Variants in KCNMB2 observed in about 807,000 individuals in gnomAD.
The protein encoded by KCNMB2 is potassium calcium-activated channel subfamily M regulatory beta subunit 2, also known as calcium-activated potassium channel subunit beta-2.
In KCNMB2, 9 loss-of-function variants were observed where a neutral mutation model predicts 24.5. The observed-to-expected ratio is 0.37, with a 90% CI of 0.22 to 0.64. The LOEUF (loss-of-function observed/expected upper bound fraction) is 0.64, where lower values mean the gene tolerates loss of function less well. Among genes scored for constraint, KCNMB2 ranks in the 30% least tolerant of loss-of-function variants. KCNMB2 has a pLI of 0.63. For missense variants in KCNMB2, 226 were observed against 284.3 expected, an observed-to-expected ratio of 0.79 and a Z score of 1.47; for synonymous variants, 109 against 104.4, an observed-to-expected ratio of 1.04 and a Z score of -0.27.
At chr3:178,593,138 G>T (rs551701852) in intron 1 of KCNMB2, among the ~76,000 whole-genome samples, 58 of 152,088 alleles carry the variant, frequency 3.8e-4, no homozygotes, top group African/African-American at 1.4e-3. Flanking sequence ...TAAGCTTGGA[G>T]GCCAGAGCAG....
intron 4 of KCNMB2, among the ~76,000 whole-genome samples, chr3:178,839,620 G>A (rs1441613679): frequency 6.6e-6 from 1 of 152,174 alleles, no homozygotes; most frequent in African/African-American, 2.4e-5. Flanking sequence ...TTACAATCAT[G>A]ATGGAAGGCA....
chr3:178,562,439 C>T (rs996724429), intron 1 of KCNMB2, among the ~76,000 whole-genome samples: 7 of 152,136 alleles, frequency 4.6e-5, no homozygotes, highest in South Asian at 2.1e-4. Context: ...TAAGTGGTAG[C>T]GGTGAAAAAG....
chr3:178,752,570 G>A (rs576100400), intron 1 of KCNMB2, among the ~76,000 whole-genome samples: 1 of 152,286 alleles, frequency 6.6e-6, no homozygotes, highest in South Asian at 2.1e-4. Context: ...AATACCAGAT[G>A]TGCATTTCAT....
intron 1 of KCNMB2, among the ~76,000 whole-genome samples, chr3:178,699,553 TG>T (rs1209110264): frequency 6.6e-6 from 1 of 152,128 alleles, no homozygotes; most frequent in African/African-American, 2.4e-5. Context: ...AGCTATGGTG[TG>T]GGCCCCCCGG....
At chr3:178,701,751 C>A (rs1292995804) in intron 1 of KCNMB2, among the ~76,000 whole-genome samples, 1 of 152,092 alleles carries the variant, frequency 6.6e-6, no homozygotes, top group African/African-American at 2.4e-5. Context: ...TGGCAATCAT[C>A]AAAAAGTCAG....
intron 1 of KCNMB2, among the ~76,000 whole-genome samples, chr3:178,674,038 A>G (rs1222567319): frequency 6.6e-6 from 1 of 152,138 alleles, no homozygotes; most frequent in African/African-American, 2.4e-5. Flanking sequence ...ATATCTCAGA[A>G]ACATTTGACA....
At chr3:178,798,432 C>A (rs896200623) in intron 1 of KCNMB2, among the ~76,000 whole-genome samples, 2 of 151,968 alleles carry the variant, frequency 1.3e-5, no homozygotes, top group African/African-American at 2.4e-5. Flanking sequence ...TTGGTAGGCT[C>A]ATTGCAGCAC....
At chr3:178,562,104 C>G (rs1195807441) in intron 1 of KCNMB2, among the ~76,000 whole-genome samples, 1 of 152,106 alleles carries the variant, frequency 6.6e-6, no homozygotes, top group Non-Finnish European at 1.5e-5. Context: ...GATCTGGAAC[C>G]CCCAGTGCTG....
At position 178,842,981 on chromosome 3, in the gene KCNMB2, GTT is replaced by G. The variant is rs1560043722; in HGVS notation, c.*47_*48del. The G allele has an allele frequency of 1.3e-6, 2 of 1,505,856 alleles. No homozygotes were observed. The highest frequency in any genetic ancestry group is 1.4e-5 in the African/African-American group (1 of 72,052). 93.3% of individuals were successfully genotyped at this position (1,505,856 alleles called of 1,614,324 possible). A position where few individuals can be genotyped will look rare whatever the true frequency, so the allele number is the denominator to read the frequency against. On this transcript the variant is annotated 3_prime_UTR_variant, in exon 5 of 5. Transcript: ENST00000452583. ...TAATTTTTGTTAAAGCTCAAATACT[GTT>G]TTCTTTCATTCTTCACCAAAGAACC... is the stretch of plus-strand genomic sequence containing the variant.
intron 1 of KCNMB2, among the ~76,000 whole-genome samples, chr3:178,647,516 G>A (rs1417935894): frequency 6.6e-6 from 1 of 152,096 alleles, no homozygotes; most frequent in Non-Finnish European, 1.5e-5. Flanking sequence ...CCACTTATAA[G>A]CTTAAAAAAG....
At chr3:178,776,425 T>A (rs935456583) in intron 1 of KCNMB2, among the ~76,000 whole-genome samples, 6 of 152,208 alleles carry the variant, frequency 3.9e-5, no homozygotes, top group Non-Finnish European at 8.8e-5. Flanking sequence ...AATTCCCTGC[T>A]CATAGTTTCA....
intron 1 of KCNMB2, among the ~76,000 whole-genome samples, chr3:178,752,717 G>A (rs1723892875): frequency 6.6e-6 from 1 of 152,144 alleles, no homozygotes; most frequent in African/African-American, 2.4e-5. Flanking sequence ...GTAGAAGAGA[G>A]GGAATATCTT....
chr3:178,810,654 T>G (rs1714149482), intron 2 of KCNMB2, among the ~76,000 whole-genome samples: 1 of 152,244 alleles, frequency 6.6e-6, no homozygotes, highest in South Asian at 2.1e-4. Context: ...TCTCCCATTC[T>G]GCAACCCAGC....
intron 1 of KCNMB2, among the ~76,000 whole-genome samples, chr3:178,774,673 G>T (rs1000291799): frequency 3.3e-5 from 5 of 152,164 alleles, no homozygotes; most frequent in South Asian, 2.1e-4. Context: ...TGTAATGAAG[G>T]CAAAAGCGTT....
chr3:178,754,875 A>C (rs1164923785), intron 1 of KCNMB2, among the ~76,000 whole-genome samples: 3 of 152,162 alleles, frequency 2.0e-5, no homozygotes, highest in Non-Finnish European at 4.4e-5. Flanking sequence ...TTTGGCCCTC[A>C]TTCTGGGTTA....
intron 1 of KCNMB2, among the ~76,000 whole-genome samples, chr3:178,556,657 G>A (rs1043999442): frequency 2.0e-5 from 3 of 152,144 alleles, no homozygotes; most frequent in Middle Eastern, 3.4e-3. Context: ...CACCCACCTC[G>A]GCCTCCCAAA....
At chr3:178,801,333 AAAAG>A (rs757857245) in intron 1 of KCNMB2, among the ~76,000 whole-genome samples, 3 of 152,150 alleles carry the variant, frequency 2.0e-5, no homozygotes, top group Non-Finnish European at 2.9e-5. Context: ...ATAAAAATTA[AAAAG>A]AAAGAAAGAA....
intron 1 of KCNMB2, among the ~76,000 whole-genome samples, chr3:178,621,031 T>G (rs2108526987): frequency 6.6e-6 from 1 of 152,316 alleles, no homozygotes; most frequent in African/African-American, 2.4e-5. Context: ...TTTGAAAGTT[T>G]TTTAGTAAGG....
chr3:178,778,275 A>G (rs1443116431), intron 1 of KCNMB2, among the ~76,000 whole-genome samples: 1 of 152,156 alleles, frequency 6.6e-6, no homozygotes, highest in Non-Finnish European at 1.5e-5. Context: ...ATCCATTAAA[A>G]AGAGCTACTC....
Sources: allele counts gnomAD v4.1 joint callset (sites outside exome capture counted in the v4.1 genomes callset), GRCh38; gene constraint gnomAD v4.1.1; transcripts MANE v1.5; gene names NCBI Gene and HGNC (gene_info 2026-07-23, HGNC 2026-07-21).